Variants in SNX9 observed in about 807,000 individuals in gnomAD.
SNX9 encodes the protein sorting nexin-9.
Under a neutral mutation model 89.4 loss-of-function variants are expected in SNX9, and 44 were observed. The observed-to-expected ratio is 0.49, with a 90% CI of 0.39 to 0.63. The LOEUF is 0.63. Ranked by LOEUF, SNX9 falls within the 30% of genes least tolerant of loss-of-function variation. The pLI is 0.00. For missense variants in SNX9, 578 were observed against 736.1 expected (o/e 0.79, Z 2.49); for synonymous variants, 236 against 247.8 (o/e 0.95, Z 0.45).
intron 2 of SNX9, among the ~76,000 whole-genome samples, chr6:157,868,058 T>G (rs572355585): frequency 5.3e-5 from 8 of 152,192 alleles, no homozygotes; most frequent in Non-Finnish European, 8.8e-5. Context: ...ATGGTGATTT[T>G]CCTAAATGTC....
At position 157,896,880 on chromosome 6, in the gene SNX9, C is replaced by A. The variant is rs1313926905; in HGVS notation, c.354C>A (p.Asn118Lys). 6.2e-7 allele frequency: 1 copy of A among 1,613,524 alleles called. No individual in the cohort carries two copies. Among genetic ancestry groups the A allele is most frequent in the South Asian group, 1.1e-5 (1 of 91,048 alleles). ...CCTGGAGTGCCTCCAAATCTGGGAA[C>A]TGGGAAAGCTCAGAAGGCTGGGGGG... ...WSAWSASKSG[N>K]WESSEGWGAQ... The change falls in exon 5 of 18, where the codon AAC (asparagine) becomes AAA (lysine). Residue 118 changes from asparagine (N) to lysine (K), a missense_variant. Physicochemically the swap from Asn to Lys is moderately conservative, Grantham distance 94. This residue lies in a region of SNX9 where 230 missense variants were observed against 244.7 expected (regional missense o/e 0.94). Transcript: ENST00000392185.
At chr6:157,935,745 G>T (rs1442627684) in intron 13 of SNX9, among the ~76,000 whole-genome samples, 1 of 152,210 alleles carries the variant, frequency 6.6e-6, no homozygotes, top group Non-Finnish European at 1.5e-5. Flanking sequence ...CTGATGTCCG[G>T]TGAAAGCGGG....
chr6:157,850,320 G>GGC (rs1328614027), intron 1 of SNX9, among the ~76,000 whole-genome samples: 1 of 152,178 alleles, frequency 6.6e-6, no homozygotes, highest in Non-Finnish European at 1.5e-5. Context: ...AGTAGACCCG[G>GGC]GGCATGTGGA....
chr6:157,891,730 CA>C (rs1489688737), intron 4 of SNX9, among the ~76,000 whole-genome samples: 8 of 152,208 alleles, frequency 5.3e-5, no homozygotes, highest in African/African-American at 9.7e-5. Flanking sequence ...GGCTGGATGT[CA>C]GCCAGCAGGC....
At chr6:157,865,034 CAAAACA>C (rs1782228838) in intron 1 of SNX9, among the ~76,000 whole-genome samples, 1 of 150,536 alleles carries the variant, frequency 6.6e-6, no homozygotes, top group African/African-American at 2.4e-5. Context: ...TCAAACAAAA[CAAAACA>C]AAAACAAAAA....
chr6:157,938,621 T>C lies in SNX9; in HGVS notation c.1534-12T>C. On this transcript the variant is annotated splice_polypyrimidine_tract_variant and intron_variant, in intron 15 of 17. Transcript: ENST00000392185. The stretch of plus-strand genomic sequence containing the variant: ...CAGCTTTATTCATACTGTTGCATTT[T>C]ATATTTCACAGGGAGCAATAGAAAA... 1 of 1,574,456 alleles carries C rather than the reference T, an allele frequency of 6.4e-7. No individual in the cohort carries two copies. The highest frequency in any genetic ancestry group is 8.7e-7 in the Non-Finnish European group (1 of 1,144,704).
At chr6:157,894,730 C>T (rs1782944516) in intron 4 of SNX9, among the ~76,000 whole-genome samples, 1 of 152,208 alleles carries the variant, frequency 6.6e-6, no homozygotes, top group African/African-American at 2.4e-5. Flanking sequence ...CTCAGCGTGA[C>T]AGTTGTCAGA....
At chr6:157,916,250 GGTCTC>G (rs2115186742) in intron 9 of SNX9, among the ~76,000 whole-genome samples, 1 of 152,240 alleles carries the variant, frequency 6.6e-6, no homozygotes, top group African/African-American at 2.4e-5. Flanking sequence ...TAGCCAGGAT[GGTCTC>G]GATCTCCTGA....
At chr6:157,854,213 C>A (rs555360210) in intron 1 of SNX9, among the ~76,000 whole-genome samples, 19 of 152,280 alleles carry the variant, frequency 1.2e-4, no homozygotes, top group African/African-American at 3.9e-4. Context: ...CTCCCCACCC[C>A]CAGTGAGCAT....
intron 1 of SNX9, among the ~76,000 whole-genome samples, chr6:157,858,532 G>A (rs1782058482): frequency 6.6e-6 from 1 of 152,080 alleles, no homozygotes; most frequent in Admixed American, 6.5e-5. Flanking sequence ...ATTGTCCAGA[G>A]TCTTAATGGG....
chr6:157,823,522 C>G lies in SNX9; in HGVS notation c.12+76C>G. 2 of 1,081,508 alleles carry G rather than the reference C, an allele frequency of 1.8e-6. No individual in the cohort carries two copies. The highest frequency in any genetic ancestry group is 2.3e-6 in the Non-Finnish European group (2 of 873,276). The allele number at this position is 1,081,508 out of a possible 1,614,324, so 67.0% of individuals were successfully genotyped here. On this transcript the variant is annotated intron_variant, in intron 1 of 17. Coordinates refer to ENST00000392185, the MANE Select transcript of SNX9 (RefSeq NM_016224.5). This position sits in a 1 kb window ranked among gnomAD's most constrained non-coding sequence, Gnocchi z 4.6. ...GCGGAGAGGGTCGGGGCCGGGGCCG[C>G]GGGGAGGGTCGGGGCCAGGGGTGGT...
At chr6:157,932,005 T>C (rs1415488870) in intron 12 of SNX9, among the ~76,000 whole-genome samples, 190 bp from the exon 13 acceptor site, 3 of 152,196 alleles carry the variant, frequency 2.0e-5, no homozygotes, top group Non-Finnish European at 4.4e-5. Context: ...CACCATTAGT[T>C]GAACAGTCAA....
At chr6:157,855,429 T>C (rs1376405821) in intron 1 of SNX9, among the ~76,000 whole-genome samples, 1 of 152,226 alleles carries the variant, frequency 6.6e-6, no homozygotes, top group Non-Finnish European at 1.5e-5. Context: ...TTAAGATACA[T>C]GTGTGTTTGT....
rs1326802705 is a variant in SNX9 at position 157,880,165 on chromosome 6, GCCAGTGCGGCT to G, written c.300+4993_300+5003del. 2.6e-5 allele frequency among the ~76,000 whole-genome samples: 4 copies of G among 152,328 alleles called. No homozygotes were observed. In the East Asian group the frequency reaches 5.8e-4, roughly 22 times the overall value. ...AAGCTTTGCTGTTAGATCCAGGCTT[GCCAGTGCGGCT>G]CCACTGTGTAAGAATTGTGGCTTTG... On this transcript the variant is annotated intron_variant, in intron 4 of 17. Transcript: ENST00000392185.
intron 1 of SNX9, among the ~76,000 whole-genome samples, chr6:157,862,079 TA>T (rs1444823404): frequency 7.2e-5 from 11 of 152,236 alleles, no homozygotes; most frequent in Non-Finnish European, 4.4e-5. Context: ...CTAAAACTGA[TA>T]AATTGTTTAT....
chr6:157,920,880 G>A (rs908015301), intron 9 of SNX9, among the ~76,000 whole-genome samples: 1 of 152,190 alleles, frequency 6.6e-6, no homozygotes, highest in Admixed American at 6.5e-5. Flanking sequence ...AACTGTTTTA[G>A]TAGAGTCACA....
At chr6:157,942,494 C>T (rs967707699) in intron 17 of SNX9, among the ~76,000 whole-genome samples, 2 of 152,220 alleles carry the variant, frequency 1.3e-5, no homozygotes, top group Non-Finnish European at 2.9e-5. Context: ...GAGCCCCCAG[C>T]TCATCTGAGG....
At chr6:157,838,506 T>G (rs538234455) in intron 1 of SNX9, among the ~76,000 whole-genome samples, 1 of 152,288 alleles carries the variant, frequency 6.6e-6, no homozygotes, top group Non-Finnish European at 1.5e-5. Flanking sequence ...GCTCAGTATT[T>G]GGAGTCAGAA....
At chr6:157,917,567 A>G (rs968554249) in intron 9 of SNX9, among the ~76,000 whole-genome samples, 3 of 152,144 alleles carry the variant, frequency 2.0e-5, no homozygotes, top group African/African-American at 7.2e-5. Flanking sequence ...AAATATACCT[A>G]TATCTCAGTA....
Sources: allele counts gnomAD v4.1 joint callset (sites outside exome capture counted in the v4.1 genomes callset), GRCh38; gene constraint gnomAD v4.1.1; regional missense constraint gnomAD v4.1.1; non-coding constraint Gnocchi (gnomAD v3.1); transcripts MANE v1.5; gene names NCBI Gene and HGNC (gene_info 2026-07-23, HGNC 2026-07-21).